NXN: variants seen among roughly 807,000 people sequenced by gnomAD.
The protein encoded by NXN is nucleoredoxin 1.
In NXN, 16 loss-of-function variants were observed where a neutral mutation model predicts 48.6. The ratio of observed to expected loss-of-function variants is 0.33; its 90% CI spans 0.22 to 0.50. NXN has a LOEUF of 0.50. Ranked by LOEUF, NXN falls within the 20% of genes least tolerant of loss-of-function variation. The pLI is 0.98. For synonymous variants in NXN, 281 were observed against 269.6 expected, an observed-to-expected ratio of 1.04 and a Z score of -0.41; for missense variants, 492 against 605.5, an observed-to-expected ratio of 0.81 and a Z score of 1.97.
chr17:872,362 C>A (rs2068165065), intron 1 of NXN, among the ~76,000 whole-genome samples: 1 of 148,660 alleles, frequency 6.7e-6, no homozygotes, highest in Non-Finnish European at 1.5e-5. Flanking sequence ...AGGAACATGT[C>A]AATCAAAGAC....
At chr17:900,891 T>G (rs934485615) in intron 1 of NXN, among the ~76,000 whole-genome samples, 1 of 151,376 alleles carries the variant, frequency 6.6e-6, no homozygotes, top group Admixed American at 6.6e-5. Context: ...GTGTGGACTT[T>G]ATGAAAAGAT....
chr17:931,492 T>C lies in NXN; in HGVS notation c.360+47827A>G, dbSNP rs149090770. 2.3e-4 allele frequency among the ~76,000 whole-genome samples: 35 copies of C among 151,728 alleles called. No individual in the cohort carries two copies. In the East Asian group the frequency reaches 6.6e-3, roughly 29 times the overall value. On this transcript the variant is annotated intron_variant, in intron 1 of 7. Transcript: ENST00000336868. ...GAAAGATAAAGTCATATAATAAGCC[T>C]ATGTATACTACTTGATTTTGTTTTC...
chr17:946,965 C>T (rs2069050729), intron 1 of NXN, among the ~76,000 whole-genome samples: 1 of 152,200 alleles, frequency 6.6e-6, no homozygotes, highest in Admixed American at 6.5e-5. Context: ...CCTGGTTCAG[C>T]CACGTATCAG....
chr17:946,462 C>T (rs1033881151), intron 1 of NXN, among the ~76,000 whole-genome samples: 1 of 152,162 alleles, frequency 6.6e-6, no homozygotes, highest in African/African-American at 2.4e-5. Flanking sequence ...CCACCACACC[C>T]GGCCAAAGGC....
chr17:970,235 T>C (rs1471214684), intron 1 of NXN, among the ~76,000 whole-genome samples: 1 of 151,950 alleles, frequency 6.6e-6, no homozygotes, highest in East Asian at 1.9e-4. Context: ...AAAGCACAGG[T>C]TTGAGATTTC....
intron 1 of NXN, among the ~76,000 whole-genome samples, chr17:925,513 C>T (rs1050387337): frequency 4.3e-4 from 65 of 152,182 alleles, no homozygotes; most frequent in African/African-American, 1.6e-3. Flanking sequence ...CTCAGCCTCC[C>T]GAGTAGCTGG....
At chr17:842,988 G>GAGAGAAAA (rs1914428780) in intron 1 of NXN, among the ~76,000 whole-genome samples, 1 of 107,814 alleles carries the variant, frequency 9.3e-6, no homozygotes, top group South Asian at 3.3e-4. Flanking sequence ...AAGAGAGAAA[G>GAGAGAAAA]AGAGAAAGAG....
intron 5 of NXN, among the ~76,000 whole-genome samples, chr17:805,816 C>A (rs940639942): frequency 2.0e-5 from 3 of 152,014 alleles, no homozygotes; most frequent in Non-Finnish European, 4.4e-5. Context: ...CCAGCCTGGA[C>A]AACAGAGCAA....
chr17:869,034 C>T (rs1359420217), intron 1 of NXN, among the ~76,000 whole-genome samples: 4 of 152,190 alleles, frequency 2.6e-5, no homozygotes, highest in Admixed American at 1.3e-4. Context: ...TCACTGCAGA[C>T]GCCAGGTGGT....
chr17:828,702 CCA>C (rs1268329264), intron 1 of NXN, among the ~76,000 whole-genome samples: 1 of 152,064 alleles, frequency 6.6e-6, no homozygotes, highest in East Asian at 1.9e-4. Flanking sequence ...GCACCCGGCC[CCA>C]GTTTTTAAAT....
chr17:826,859 T>G (rs558067412), intron 1 of NXN, among the ~76,000 whole-genome samples: 135 of 152,300 alleles, frequency 8.9e-4, no homozygotes, highest in Non-Finnish European at 1.2e-3. Context: ...GTGCACACGG[T>G]CAGAGGTCCA....
At chr17:890,531 C>T (rs1239804619) in intron 1 of NXN, among the ~76,000 whole-genome samples, 4 of 145,428 alleles carry the variant, frequency 2.8e-5, no homozygotes, top group South Asian at 2.2e-4. Context: ...CCCACCAGCA[C>T]GCCCGGCTAA....
At position 958,201 on chromosome 17, in the gene NXN, T is replaced by G. The variant is rs1201649534; in HGVS notation, c.360+21118A>C. ...AAAAGGTCACTTGCACATTCTTCTT[T>G]CCAGAAGGCTTTTCTTGCAGGAGGT... On this transcript the variant is annotated intron_variant, in intron 1 of 7. Transcript: ENST00000336868. The surrounding 1 kb of genome is among the most constrained non-coding windows in gnomAD (Gnocchi z 6.9). Among the ~76,000 whole-genome samples the G allele has an allele frequency of 6.6e-6, 1 of 152,202 alleles. No homozygotes were observed. The highest frequency in any genetic ancestry group is 6.5e-5 in the Admixed American group (1 of 15,284).
chr17:802,714 C>T (rs1911269608), intron 7 of NXN, among the ~76,000 whole-genome samples: 1 of 152,286 alleles, frequency 6.6e-6, no homozygotes, highest in Admixed American at 6.5e-5. Context: ...CCGGGCTGAG[C>T]AGGTGACTGG....
chr17:949,964 C>A (rs1465865229), intron 1 of NXN, among the ~76,000 whole-genome samples: 4 of 152,040 alleles, frequency 2.6e-5, no homozygotes, highest in Non-Finnish European at 4.4e-5. Context: ...AAGCAATTAG[C>A]CCCAGGTCCT....
chr17:922,971 G>C (rs1374816084), intron 1 of NXN, among the ~76,000 whole-genome samples: 1 of 151,924 alleles, frequency 6.6e-6, no homozygotes, highest in Non-Finnish European at 1.5e-5. Flanking sequence ...TTCTTACAAG[G>C]TGCCGTGTGT....
At chr17:893,081 C>T (rs2068440338) in intron 1 of NXN, among the ~76,000 whole-genome samples, 1 of 152,254 alleles carries the variant, frequency 6.6e-6, no homozygotes, top group African/African-American at 2.4e-5. Flanking sequence ...AGTCTTCAGA[C>T]GTTTGCCTAT....
chr17:831,891 C>A lies in NXN; in HGVS notation c.361-5813G>T, dbSNP rs190225508. Among the ~76,000 whole-genome samples the A allele has an allele frequency of 2.8e-3, 307 of 110,956 alleles. 7 individuals are homozygous for A. Among genetic ancestry groups the A allele is most frequent in the Non-Finnish European group, 4.7e-3 (250 of 53,214 alleles). The allele number at this position is 110,956 out of a possible 152,430, so 72.8% of individuals were successfully genotyped here. On this transcript the variant is annotated intron_variant, in intron 1 of 7. Coordinates refer to ENST00000336868, the MANE Select transcript of NXN (RefSeq NM_022463.5). ...GTGGTATATTTCATGAGTGTCCAGT[C>A]TAAGATTAAACTATCCTTGCCTTCT...
At chr17:874,327 C>T (rs1388174005) in intron 1 of NXN, among the ~76,000 whole-genome samples, 7 of 152,142 alleles carry the variant, frequency 4.6e-5, no homozygotes, top group African/African-American at 1.4e-4. Flanking sequence ...CGGTGGCTCA[C>T]GCCTGTAATC....
Sources: gnomAD v4.1 joint callset for allele counts (sites outside exome capture counted in the v4.1 genomes callset) on GRCh38, gnomAD v4.1.1 for gene constraint, Gnocchi (gnomAD v3.1) non-coding constraint, MANE v1.5 for transcripts, NCBI Gene and HGNC (gene_info 2026-07-23, HGNC 2026-07-21) for gene names.